Variants in HSPG2 observed in about 807,000 individuals in gnomAD.
HSPG2 encodes heparan sulfate proteoglycan 2.
Under a neutral mutation model 526.6 loss-of-function variants are expected in HSPG2, and 278 were observed. The ratio of observed to expected loss-of-function variants is 0.53; its 90% confidence interval spans 0.48 to 0.58. The LOEUF is 0.58. Ranked by LOEUF, HSPG2 falls within the 20% of genes least tolerant of loss-of-function variation. HSPG2 has a pLI of 0.00. For synonymous variants in HSPG2, 2,465 were observed against 2,555.4 expected, an observed-to-expected ratio of 0.96 and a Z score of 1.07; for missense variants, 5,354 against 6,099.5, an observed-to-expected ratio of 0.88 and a Z score of 4.07.
In HSPG2 at chr1:21,836,837, C is replaced by T. The variant is rs1234160590; in HGVS notation, c.10320G>A (p.Leu3440=). ...CATCCTGCACGCTGTGACCCGGAGGCAGCTGACCCCCTTCCTTGAACCAAC... is the reference window on the plus strand; with the variant it reads ...CATCCTGCACGCTGTGACCCGGAGGTAGCTGACCCCCTTCCTTGAACCAAC... The part of the protein sequence containing the change: ...QLRWFKEGGQ[L]PPGHSVQDGV... Residue 3440 remains leucine, a synonymous_variant, in exon 75 of 97, where the codon CTG becomes CTA. Transcript: ENST00000374695. The T allele has an allele frequency of 1.3e-6, 2 of 1,579,076 alleles. No individual in the cohort carries two copies. The highest frequency in any genetic ancestry group is 2.7e-5 in the African/African-American group (2 of 74,238).
intron 29 of HSPG2, among the ~76,000 whole-genome samples, 175 bp from the exon 30 acceptor site, chr1:21,873,599 C>T (rs550896718): frequency 2.0e-5 from 3 of 152,260 alleles, no homozygotes; most frequent in East Asian, 1.9e-4. Flanking sequence ...TGCCCTGGAC[C>T]GCACAGCCAG....
intron 95 of HSPG2, 186 bp downstream of exon 95, chr1:21,823,935 G>A: frequency 2.7e-6 from 2 of 750,682 alleles, no homozygotes; most frequent in Non-Finnish European, 2.3e-6. Flanking sequence ...TGGGGCACTC[G>A]CCTGCCCCCA....
At chr1:21,860,076 G>T in intron 40 of HSPG2, 74 bp from the exon 41 acceptor site, 1 of 1,599,478 alleles carries the variant, frequency 6.3e-7, no homozygotes, top group Non-Finnish European at 8.5e-7. Flanking sequence ...AAAAGCTGGG[G>T]TACCCCACCC....
intron 1 of HSPG2, chr1:21,908,617 TAA>T (rs375057444): frequency 1.5e-3 from 728 of 501,450 alleles, no homozygotes; most frequent in South Asian, 2.2e-3. Flanking sequence ...TCTGGGCTGT[TAA>T]AAAAAAAAAA....
intron 1 of HSPG2, among the ~76,000 whole-genome samples, chr1:21,902,484 CATTT>C (rs1643155235): frequency 6.6e-6 from 1 of 152,248 alleles, no homozygotes; most frequent in Non-Finnish European, 1.5e-5. Context: ...GAGGCACACT[CATTT>C]GATAGATAAG....
At chr1:21,882,781 C>T (rs915866458) in intron 13 of HSPG2, among the ~76,000 whole-genome samples, 1 of 152,096 alleles carries the variant, frequency 6.6e-6, no homozygotes, top group Non-Finnish European at 1.5e-5. Flanking sequence ...CCGTCCCTCC[C>T]GGCTCTGGAC....
intron 1 of HSPG2, among the ~76,000 whole-genome samples, chr1:21,923,863 C>T (rs886119561): frequency 3.9e-5 from 6 of 152,166 alleles, no homozygotes; most frequent in Admixed American, 3.9e-4. Flanking sequence ...AATGAATGAA[C>T]GGTCCCATTT....
intron 1 of HSPG2, among the ~76,000 whole-genome samples, chr1:21,928,339 T>G (rs1644258683): frequency 6.6e-6 from 1 of 152,244 alleles, no homozygotes; most frequent in Non-Finnish European, 1.5e-5. Context: ...AGCTCCCAAG[T>G]GCAGGGGCCA....
chr1:21,871,136 C>T (rs1490844468), intron 33 of HSPG2, among the ~76,000 whole-genome samples: 1 of 152,086 alleles, frequency 6.6e-6, no homozygotes, highest in Non-Finnish European at 1.5e-5. Context: ...CCAGAGCCCA[C>T]CCCTGAGCCC....
intron 39 of HSPG2, among the ~76,000 whole-genome samples, chr1:21,860,986 G>C (rs767613846): frequency 1.3e-4 from 20 of 152,248 alleles, no homozygotes; most frequent in Non-Finnish European, 2.1e-4. Flanking sequence ...AGCCTGGAGA[G>C]CCAGGGAGGC....
In HSPG2 at chr1:21,880,705, G is replaced by A; in HGVS notation, c.1949C>T (p.Thr650Ile). 1 of 1,599,718 alleles carries A rather than the reference G, an allele frequency of 6.3e-7. No individual in the cohort carries two copies. The highest frequency in any genetic ancestry group is 1.7e-5 in the Admixed American group (1 of 57,680). The change falls in exon 15 of 97, where the codon ACA becomes ATA. Residue 650 changes from threonine to isoleucine, a missense_variant. By Grantham distance (89) the Thr-to-Ile change is moderately conservative. Transcript: ENST00000374695. Reference sequence around the variant, plus strand: ...GTTCAGAGCACCAGGTTGGGTGGGTGTGTGGCCTCGGGAGAGGAGGCGGTA... The same window carrying A: ...GTTCAGAGCACCAGGTTGGGTGGGTATGTGGCCTCGGGAGAGGAGGCGGTA... ...AGYRLLSRGH[T>I]PTQPGALNQR...
chr1:21,912,911 C>A (rs1643747482), intron 1 of HSPG2, among the ~76,000 whole-genome samples: 1 of 150,580 alleles, frequency 6.6e-6, no homozygotes, highest in African/African-American at 2.4e-5. Context: ...ACCCGGGAGG[C>A]GGAGGTTGCA....
In HSPG2 at chr1:21,852,881, A is replaced by G. The variant is rs140173650; in HGVS notation, c.6591+38T>C. ...GGAGGGGGCTGGAACAGTCCCATCC[A>G]GCCCCTCCAGCAAGGTGGTCCCGGG... On this transcript the variant is annotated intron_variant, in intron 51 of 96. Coordinates refer to ENST00000374695, the MANE Select transcript of HSPG2 (RefSeq NM_005529.7). 26,339 of 1,611,734 alleles carry G rather than the reference A, an allele frequency of 0.016. 271 individuals are homozygous for G. Among genetic ancestry groups the G allele is most frequent in the Middle Eastern group, 0.04 (217 of 5,438 alleles).
chr1:21,862,158 T>C (rs761206157), intron 37 of HSPG2, 43 bp from the exon 38 acceptor site: 1 of 1,606,388 alleles, frequency 6.2e-7, no homozygotes, highest in Non-Finnish European at 8.5e-7. Flanking sequence ...TTAGGCCAAA[T>C]TTACCAGAAG....
At chr1:21,854,168 G>A (rs775059353) in intron 50 of HSPG2, 25 bp downstream of exon 50, 15 of 1,554,672 alleles carry the variant, frequency 9.6e-6, no homozygotes, top group Middle Eastern at 1.7e-4. Context: ...GCTCAGCCCC[G>A]GCCCAGCCAC....
rs142538286 is a variant in HSPG2, at chr1:21,857,136, G to A, written c.5454C>T (p.Ala1818=). 7.6e-4 allele frequency: 1,232 copies of A among 1,614,158 alleles called. 10 individuals carry two copies. In the African/African-American group the frequency reaches 0.015, roughly 19 times the overall value. ...TGGTCAGGATGCCATTGAAATCCATGGCTCGGGTGGGCAGTTTCCCGTTGT... is the reference window on the plus strand; with the variant it reads ...TGGTCAGGATGCCATTGAAATCCATAGCTCGGGTGGGCAGTTTCCCGTTGT... The part of the protein sequence containing the change: ...RLHNGKLPTR[A]MDFNGILTIR... Residue 1818 remains alanine, a synonymous_variant, in exon 44 of 97, where the codon GCC becomes GCT. Coordinates refer to ENST00000374695, the MANE Select transcript of HSPG2 (RefSeq NM_005529.7).
intron 33 of HSPG2, among the ~76,000 whole-genome samples, chr1:21,867,152 C>T (rs1347012307): frequency 7.5e-6 from 1 of 132,786 alleles, no homozygotes; most frequent in African/African-American, 2.9e-5. Context: ...GATGGGGTCT[C>T]CCTATGTTGC....
chr1:21,928,722 G>A lies in HSPG2; in HGVS notation c.63+8433C>T, dbSNP rs1262202451. Among the ~76,000 whole-genome samples, 5 of 146,118 alleles carry A rather than the reference G, an allele frequency of 3.4e-5. No individual in the cohort carries two copies. In the South Asian group the frequency reaches 6.6e-4, roughly 19 times the overall value. Reference sequence around the variant, plus strand: ...CTCCCAAAGTGCTGGGATTACAGGCGTGAGCCACCGCGCCCATCCTTTATT... The same window carrying A: ...CTCCCAAAGTGCTGGGATTACAGGCATGAGCCACCGCGCCCATCCTTTATT... On this transcript the variant is annotated intron_variant, in intron 1 of 96. Transcript: ENST00000374695.
At chr1:21,870,249 G>A (rs1402335021) in intron 33 of HSPG2, 2 of 986,024 alleles carry the variant, frequency 2.0e-6, no homozygotes, top group African/African-American at 3.5e-5. Context: ...TGCCCTCTGG[G>A]GGCTCTGGGA....
Sources: allele counts gnomAD v4.1 joint callset (sites outside exome capture counted in the v4.1 genomes callset), GRCh38; gene constraint gnomAD v4.1.1; transcripts MANE v1.5; gene names NCBI Gene and HGNC (gene_info 2026-07-23, HGNC 2026-07-21).